Variants in SCHIP1 observed in about 807,000 individuals in gnomAD.
SCHIP1 encodes schwannomin-interacting protein 1.
A neutral mutation model predicts 29.7 loss-of-function variants in SCHIP1; 8 were observed. That is an observed-to-expected ratio of 0.27 (90% confidence interval 0.16 to 0.49). The LOEUF (loss-of-function observed/expected upper bound fraction) is 0.49, where lower values mean the gene tolerates loss of function less well. Ranked by LOEUF, SCHIP1 falls within the 20% of genes least tolerant of loss-of-function variation. The probability of loss-of-function intolerance (pLI) is 0.99; values close to 1 mark genes in which losing one functional copy is unlikely to be tolerated. For missense variants in SCHIP1, 193 were observed against 294.6 expected, an observed-to-expected ratio of 0.66 and a Z score of 2.52; for synonymous variants, 76 against 94.9, an observed-to-expected ratio of 0.80 and a Z score of 1.16.
chr3:159,868,460 AG>A (rs1714898438), intron 2 of SCHIP1, among the ~76,000 whole-genome samples: 1 of 152,058 alleles, frequency 6.6e-6, no homozygotes, highest in South Asian at 2.1e-4. Flanking sequence ...CACAATTTAG[AG>A]TCAAATAGCT....
At chr3:159,593,771 A>G in the SCHIP1 span, among the ~76,000 whole-genome samples, 4 of 152,352 alleles carry the variant, frequency 2.6e-5, no homozygotes, top group South Asian at 2.1e-4. Flanking sequence ...CAAGTGTCCA[A>G]ATGGAAAAAG....
chr3:159,456,628 G>T, the SCHIP1 span, among the ~76,000 whole-genome samples: 1 of 152,238 alleles, frequency 6.6e-6, no homozygotes, highest in Non-Finnish European at 1.5e-5. Context: ...GGGCGGAAGA[G>T]CACTTGGAAG....
the SCHIP1 span, among the ~76,000 whole-genome samples, chr3:159,392,853 G>C: frequency 6.6e-6 from 1 of 152,132 alleles, no homozygotes; most frequent in African/African-American, 2.4e-5. Flanking sequence ...GGGTCAAATG[G>C]TATTTCTAGT....
the SCHIP1 span, among the ~76,000 whole-genome samples, chr3:159,773,621 A>T: frequency 1.1e-4 from 17 of 152,330 alleles, no homozygotes; most frequent in East Asian, 2.9e-3. Context: ...CTGGAAGTAG[A>T]TTCTAATTTT....
At chr3:159,484,041 T>C in the SCHIP1 span, among the ~76,000 whole-genome samples, 1 of 152,144 alleles carries the variant, frequency 6.6e-6, no homozygotes, top group Non-Finnish European at 1.5e-5. Context: ...CAGTGCAAAC[T>C]AAGAGAGTTC....
At chr3:159,420,208 G>T in the SCHIP1 span, among the ~76,000 whole-genome samples, 1 of 152,158 alleles carries the variant, frequency 6.6e-6, no homozygotes, top group Non-Finnish European at 1.5e-5. Flanking sequence ...AAATGCTTCA[G>T]GGGGCAAAGA....
At chr3:159,608,525 T>G in the SCHIP1 span, among the ~76,000 whole-genome samples, 1 of 152,230 alleles carries the variant, frequency 6.6e-6, no homozygotes, top group Non-Finnish European at 1.5e-5. Flanking sequence ...GGCCGAGTTT[T>G]AGAGTCTTAC....
the SCHIP1 span, among the ~76,000 whole-genome samples, chr3:159,358,977 G>A: frequency 7.0e-6 from 1 of 142,040 alleles, no homozygotes; most frequent in Non-Finnish European, 1.5e-5. Context: ...TGCCAGGCTG[G>A]AGTGCAGTGT....
the SCHIP1 span, among the ~76,000 whole-genome samples, chr3:159,830,719 G>GA: frequency 6.6e-6 from 1 of 152,178 alleles, no homozygotes; most frequent in East Asian, 1.9e-4. Flanking sequence ...TATAGTGTGG[G>GA]AAATGACCTT....
the SCHIP1 span, among the ~76,000 whole-genome samples, chr3:159,831,678 T>G: frequency 6.6e-6 from 1 of 152,130 alleles, no homozygotes; most frequent in Non-Finnish European, 1.5e-5. Flanking sequence ...GCCAGCTACT[T>G]AGTGACTCCT....
chr3:159,675,387 C>T, the SCHIP1 span, among the ~76,000 whole-genome samples: 3 of 152,174 alleles, frequency 2.0e-5, no homozygotes, highest in Admixed American at 1.3e-4. Flanking sequence ...ATAGATGAGT[C>T]GTGAAGGTTG....
chr3:159,351,022 C>T, the SCHIP1 span, among the ~76,000 whole-genome samples: 1 of 152,052 alleles, frequency 6.6e-6, no homozygotes, highest in Non-Finnish European at 1.5e-5. Flanking sequence ...AAAAATATAT[C>T]TGCACAGTAT....
chr3:159,696,892 G>A, the SCHIP1 span, among the ~76,000 whole-genome samples: 2 of 152,244 alleles, frequency 1.3e-5, no homozygotes, highest in Non-Finnish European at 2.9e-5. Context: ...CATTATTAAT[G>A]GAGAAAGGTA....
chr3:159,540,856 T>C, the SCHIP1 span, among the ~76,000 whole-genome samples: 3 of 152,100 alleles, frequency 2.0e-5, no homozygotes, highest in Admixed American at 6.6e-5. Context: ...CAATGCATCA[T>C]TAAATGTATA....
chr3:159,284,470 T>C, the SCHIP1 span, among the ~76,000 whole-genome samples: 18 of 152,132 alleles, frequency 1.2e-4, no homozygotes, highest in Non-Finnish European at 2.9e-5. Context: ...AATATTTAGT[T>C]TGCCTGTTAA....
At chr3:159,478,705 G>A in the SCHIP1 span, among the ~76,000 whole-genome samples, 1 of 152,130 alleles carries the variant, frequency 6.6e-6, no homozygotes, top group South Asian at 2.1e-4. Flanking sequence ...TTCTACCCAT[G>A]AGCATGAAAT....
the SCHIP1 span, among the ~76,000 whole-genome samples, chr3:159,413,917 T>A: frequency 6.6e-6 from 1 of 152,188 alleles, no homozygotes; most frequent in East Asian, 1.9e-4. Flanking sequence ...ATATATCAAC[T>A]GAGGAGCTAA....
At chr3:159,342,207 A>C in the SCHIP1 span, among the ~76,000 whole-genome samples, 1 of 152,202 alleles carries the variant, frequency 6.6e-6, no homozygotes, top group African/African-American at 2.4e-5. Context: ...CTCACTAGAC[A>C]GAAATTTCAG....
the SCHIP1 span, among the ~76,000 whole-genome samples, chr3:159,522,591 C>T: frequency 6.6e-6 from 1 of 152,144 alleles, no homozygotes; most frequent in African/African-American, 2.4e-5. Context: ...GCACTGTGGG[C>T]CAGGCACAGT....
Sources: allele counts gnomAD v4.1 joint callset (sites outside exome capture counted in the v4.1 genomes callset), GRCh38; gene constraint gnomAD v4.1.1; transcripts MANE v1.5; gene names NCBI Gene and HGNC (gene_info 2026-07-23, HGNC 2026-07-21).